Variants in FAM20A observed in about 807,000 individuals in gnomAD.
The protein encoded by FAM20A is pseudokinase FAM20A.
FAM20A carries 42 observed loss-of-function variants against 52.0 expected under a neutral mutation model. The observed-to-expected ratio is 0.81, with a 90% CI of 0.63 to 1.04. FAM20A has a LOEUF of 1.04. Among genes scored for constraint, FAM20A ranks in the 50% least tolerant of loss-of-function variants. FAM20A has a pLI of 0.00. For missense variants in FAM20A, 742 were observed against 712.7 expected (o/e 1.04, Z -0.47); for synonymous variants, 304 against 298.9 (o/e 1.02, Z -0.18).
At position 68,551,917 on chromosome 17, in the gene FAM20A, C is replaced by T. The variant is rs768278773; in HGVS notation, c.675G>A (p.Val225=). Residue 225 remains valine, a synonymous_variant, in exon 4 of 11, where the codon GTG becomes GTA. Transcript: ENST00000592554. ...CCTTCCCGAAATCCGAGAACCTCAGCACCAGCTTGAGGTGGACCCCACTGG... is the reference window on the plus strand; with the variant it reads ...CCTTCCCGAAATCCGAGAACCTCAGTACCAGCTTGAGGTGGACCCCACTGG... ...VKPSGVHLKL[V]LRFSDFGKAM... The T allele has an allele frequency of 3.0e-5, 48 of 1,591,678 alleles. No individual in the cohort carries two copies. Among genetic ancestry groups the T allele is most frequent in the Middle Eastern group, 1.7e-4 (1 of 6,056 alleles).
At chr17:68,543,214 C>T (rs1194906533) in intron 5 of FAM20A, among the ~76,000 whole-genome samples, 6 of 152,060 alleles carry the variant, frequency 3.9e-5, no homozygotes, top group African/African-American at 7.2e-5. Context: ...GTGCCCATGA[C>T]GCTACAGACC....
intron 1 of FAM20A, chr17:68,591,685 C>T (rs2088313961): frequency 6.6e-6 from 1 of 152,270 alleles, no homozygotes; most frequent in Non-Finnish European, 1.5e-5. Context: ...TGAAGCCCTC[C>T]CTTTCCCAGC....
chr17:68,585,525 C>T (rs551690044), intron 1 of FAM20A, among the ~76,000 whole-genome samples: 3 of 151,562 alleles, frequency 2.0e-5, no homozygotes. Context: ...ATGGGCAAAA[C>T]GTGTTATTTT....
chr17:68,581,352 T>TTCTTTCTTTCTTTCTC (rs1568773688), intron 1 of FAM20A, among the ~76,000 whole-genome samples: 1 of 85,226 alleles, frequency 1.2e-5, no homozygotes, highest in Non-Finnish European at 2.7e-5. Context: ...AATGCAGTTT[T>TTCTTTCTTTCTTTCTC]TCTTTCTTTC....
At chr17:68,582,479 C>T (rs1444156469) in intron 1 of FAM20A, 1 of 152,252 alleles carries the variant, frequency 6.6e-6, no homozygotes, top group Admixed American at 6.5e-5. Context: ...AAAGCCATTT[C>T]ATCATCATCA....
intron 1 of FAM20A, among the ~76,000 whole-genome samples, chr17:68,571,160 A>C (rs141828508): frequency 2.4e-4 from 37 of 152,274 alleles, no homozygotes; most frequent in African/African-American, 7.0e-4. Context: ...TTGGAAACTG[A>C]ATTTACTGCT....
chr17:68,600,731 C>CG lies in FAM20A; in HGVS notation c.-66dup, dbSNP rs2088602700. On this transcript the variant is annotated 5_prime_UTR_variant, in exon 1 of 11. Transcript: ENST00000592554. The surrounding 1 kb of genome is among the most constrained non-coding windows in gnomAD (Gnocchi z 6.2). ...GTCTCCGGGGTCCCGGGAGGGGTCG[C>CG]GGGGTGCGGGCAGAAGAGGTGCCTG... The CG allele has an allele frequency of 1.3e-6, 2 of 1,498,608 alleles. No homozygotes were observed. Among genetic ancestry groups the CG allele is most frequent in the Admixed American group, 4.1e-5 (2 of 48,524 alleles). 92.8% of individuals were successfully genotyped at this position (1,498,608 alleles called of 1,614,324 possible).
intron 4 of FAM20A, 49 bp downstream of exon 4, chr17:68,551,824 C>T: frequency 7.1e-7 from 1 of 1,414,598 alleles, no homozygotes; most frequent in Non-Finnish European, 9.8e-7. Flanking sequence ...TCCAAATCTT[C>T]CCAGGGCCAC....
chr17:68,557,735 T>C (rs2087095281), intron 1 of FAM20A: 1 of 152,214 alleles, frequency 6.6e-6, no homozygotes, highest in African/African-American at 2.4e-5. Flanking sequence ...CCAGACGTGA[T>C]TGCCCAGTGC....
chr17:68,586,960 C>G (rs1026647011), intron 1 of FAM20A, among the ~76,000 whole-genome samples: 1 of 151,902 alleles, frequency 6.6e-6, no homozygotes, highest in Admixed American at 6.6e-5. Context: ...GGTGTGATGT[C>G]GTTCACTGCA....
chr17:68,590,099 T>A (rs1264182164), intron 1 of FAM20A: 1 of 152,188 alleles, frequency 6.6e-6, no homozygotes, highest in Admixed American at 6.5e-5. Context: ...TGGGTGTAGG[T>A]TTTCTTAAAT....
intron 3 of FAM20A, among the ~76,000 whole-genome samples, chr17:68,554,051 T>TATA (rs1358782583): frequency 7.7e-5 from 10 of 130,052 alleles, no homozygotes; most frequent in African/African-American, 3.6e-4. Context: ...TATATACACA[T>TATA]ATACACATAT....
chr17:68,599,154 T>C (rs2088540260), intron 1 of FAM20A, among the ~76,000 whole-genome samples: 1 of 152,188 alleles, frequency 6.6e-6, no homozygotes, highest in African/African-American at 2.4e-5. Context: ...TACAAAATAA[T>C]GAGCAAACAG....
rs148401210 is a variant in FAM20A, at chr17:68,584,870, A to C, written c.404+15393T>G. 2.2e-3 allele frequency among the ~76,000 whole-genome samples: 328 copies of C among 152,332 alleles called. 1 individual carries two copies. The highest frequency in any genetic ancestry group is 5.2e-3 in the Admixed American group (79 of 15,304). On this transcript the variant is annotated intron_variant, in intron 1 of 10. Transcript: ENST00000592554. Reference sequence around the variant, plus strand: ...TTTTAATGATTTTATAGCTAATAACAGAACAGAATGTCGTCTCATTCAGTT... The same window carrying C: ...TTTTAATGATTTTATAGCTAATAACCGAACAGAATGTCGTCTCATTCAGTT...
chr17:68,552,070 G>A, intron 3 of FAM20A, 119 bp from the exon 4 acceptor site: 1 of 704,720 alleles, frequency 1.4e-6, no homozygotes. Context: ...AGACCCTAAA[G>A]ACTAGGATGT....
At chr17:68,563,163 A>G (rs1266404714) in intron 1 of FAM20A, among the ~76,000 whole-genome samples, 1 of 152,150 alleles carries the variant, frequency 6.6e-6, no homozygotes, top group Non-Finnish European at 1.5e-5. Context: ...AGGCGGGCAG[A>G]TCACCTGAGA....
chr17:68,562,126 C>G (rs1301991723), intron 1 of FAM20A, among the ~76,000 whole-genome samples: 2 of 152,120 alleles, frequency 1.3e-5, no homozygotes, highest in African/African-American at 4.8e-5. Flanking sequence ...GCCCGGCCCC[C>G]AGTACCTTTC....
At chr17:68,548,528 T>C (rs938767713) in intron 4 of FAM20A, among the ~76,000 whole-genome samples, 1 of 149,724 alleles carries the variant, frequency 6.7e-6, no homozygotes, top group South Asian at 2.1e-4. Flanking sequence ...AGACTCTGTC[T>C]CAAAAAAAAA....
At chr17:68,540,519 A>G in intron 8 of FAM20A, 1 of 484,920 alleles carries the variant, frequency 2.1e-6, no homozygotes, top group Non-Finnish European at 4.1e-6. Context: ...TCCCTGCTAC[A>G]TATTTGTGTA....
Sources: gnomAD v4.1 joint callset for allele counts (sites outside exome capture counted in the v4.1 genomes callset) on GRCh38, gnomAD v4.1.1 for gene constraint, Gnocchi (gnomAD v3.1) non-coding constraint, MANE v1.5 for transcripts, NCBI Gene and HGNC (gene_info 2026-07-23, HGNC 2026-07-21) for gene names.